MMS22L: variants seen among roughly 807,000 people sequenced by gnomAD.
MMS22L encodes MMS22 like, DNA repair protein, also known as protein MMS22-like.
A neutral mutation model predicts 159.1 loss-of-function variants in MMS22L; 74 were observed. That is an observed-to-expected ratio of 0.47 (90% CI 0.39 to 0.56). MMS22L has a LOEUF of 0.56. Ranked by LOEUF, MMS22L falls within the 20% of genes least tolerant of loss-of-function variation. The probability of loss-of-function intolerance (pLI) is 0.00; values close to 1 mark genes in which losing one functional copy is unlikely to be tolerated. For synonymous variants in MMS22L, 517 were observed against 506.9 expected (o/e 1.02, Z -0.27); for missense variants, 1,351 against 1,422.1 (o/e 0.95, Z 0.80).
In MMS22L at chr6:97,272,942, T is replaced by C. The variant is rs1176638192; in HGVS notation, c.428+33A>G. On this transcript the variant is annotated intron_variant, in intron 5 of 24. Coordinates refer to ENST00000683635, the MANE Select transcript of MMS22L (RefSeq NM_001350599.2). ...CTGTGTGAATACACACAGAAATTCATGCAGTGATCAAAATACTCATCTGAT... is the reference window on the plus strand; with the variant it reads ...CTGTGTGAATACACACAGAAATTCACGCAGTGATCAAAATACTCATCTGAT... 3.1e-6 allele frequency: 5 copies of C among 1,607,066 alleles called. No individual in the cohort carries two copies. The East Asian group carries it at 1.1e-4, about 36-fold the overall frequency.
chr6:97,153,342 C>T (rs1157828135), intron 22 of MMS22L, among the ~76,000 whole-genome samples: 2 of 149,358 alleles, frequency 1.3e-5, no homozygotes, highest in African/African-American at 4.9e-5. Flanking sequence ...AATCCCTTAA[C>T]CTACTTTCTG....
In MMS22L at chr6:97,282,428, A is replaced by T; in HGVS notation, c.50T>A (p.Leu17Gln). ...ASTFLTDSLE[L>Q]ELGTEWCKPP... ...TTTGCACCATTCCGTCCCCAGCTCC[A>T]GCTCTAAGCTGTCAGTCAGGAACGT... The change falls in exon 2 of 25, where the codon CTG becomes CAG. Residue 17 changes from leucine to glutamine, a missense_variant. Physicochemically the swap from Leu to Gln is moderately radical, Grantham distance 113 (BLOSUM62 -2). Coordinates refer to ENST00000683635, the MANE Select transcript of MMS22L (RefSeq NM_001350599.2). 1 of 1,614,104 alleles carries T rather than the reference A, an allele frequency of 6.2e-7. No homozygotes were observed. The highest frequency in any genetic ancestry group is 8.5e-7 in the Non-Finnish European group (1 of 1,180,000).
intron 9 of MMS22L, among the ~76,000 whole-genome samples, chr6:97,262,680 A>G (rs994088391): frequency 3.3e-5 from 5 of 149,886 alleles, no homozygotes; most frequent in Non-Finnish European, 5.9e-5. Flanking sequence ...AAAAAAAGAT[A>G]GCAGCACCCA....
chr6:97,242,403 A>C (rs1158310635), intron 11 of MMS22L, among the ~76,000 whole-genome samples: 1 of 152,170 alleles, frequency 6.6e-6, no homozygotes, highest in Non-Finnish European at 1.5e-5. Context: ...TGTCTGATAC[A>C]AGAATAGCTA....
At chr6:97,152,809 C>CT (rs35792685) in intron 22 of MMS22L, among the ~76,000 whole-genome samples, 73,114 of 142,012 alleles carry the variant, frequency 0.51, 18,809 homozygotes, top group African/African-American at 0.6. Context: ...ACTGAACTAC[C>CT]TTTTTTTTTT....
chr6:97,202,419 G>A (rs926250078), intron 14 of MMS22L, among the ~76,000 whole-genome samples: 6 of 152,148 alleles, frequency 3.9e-5, no homozygotes, highest in Admixed American at 2.0e-4. Context: ...TGCGAAGATC[G>A]CTGCAACACA....
chr6:97,172,988 T>C (rs1803705139), intron 19 of MMS22L, 75 bp downstream of exon 19: 2 of 1,416,582 alleles, frequency 1.4e-6, no homozygotes, highest in Non-Finnish European at 9.6e-7. Context: ...TTAGCCAATA[T>C]ATACCTATCC....
intron 14 of MMS22L, among the ~76,000 whole-genome samples, chr6:97,222,665 T>C (rs1809776559): frequency 6.6e-6 from 1 of 152,072 alleles, no homozygotes; most frequent in South Asian, 2.1e-4. Flanking sequence ...AAAAGGCATT[T>C]TGAAATCACT....
At chr6:97,219,363 C>G (rs1056635934) in intron 14 of MMS22L, among the ~76,000 whole-genome samples, 1 of 152,168 alleles carries the variant, frequency 6.6e-6, no homozygotes, top group African/African-American at 2.4e-5. Flanking sequence ...ATGTTCTGGA[C>G]AGGTGCAGCA....
chr6:97,213,429 G>C (rs927186389), intron 14 of MMS22L, among the ~76,000 whole-genome samples: 1 of 151,994 alleles, frequency 6.6e-6, no homozygotes, highest in African/African-American at 2.4e-5. Flanking sequence ...AGAGGTTGTA[G>C]AAATTTCCAT....
chr6:97,246,928 A>T (rs1318572794), intron 10 of MMS22L, among the ~76,000 whole-genome samples: 2 of 152,074 alleles, frequency 1.3e-5, no homozygotes, highest in Non-Finnish European at 2.9e-5. Flanking sequence ...GTGCTTCAGT[A>T]AGATTATAAA....
At chr6:97,241,351 T>C (rs1193369496) in intron 11 of MMS22L, among the ~76,000 whole-genome samples, 1 of 152,220 alleles carries the variant, frequency 6.6e-6, no homozygotes, top group Non-Finnish European at 1.5e-5. Context: ...TGTTAGATCT[T>C]CTTTTAGTTC....
intron 14 of MMS22L, among the ~76,000 whole-genome samples, chr6:97,189,543 T>A (rs1210540293): frequency 2.0e-5 from 2 of 99,508 alleles, no homozygotes; most frequent in Non-Finnish European, 3.6e-5. Flanking sequence ...ACAGCGAGAC[T>A]CTGTCTCCAA....
chr6:97,206,410 C>CACAG (rs1411850718), intron 14 of MMS22L, among the ~76,000 whole-genome samples: 1 of 149,608 alleles, frequency 6.7e-6, no homozygotes, highest in Non-Finnish European at 1.5e-5. Flanking sequence ...CACACACACA[C>CACAG]TAGACCTTCA....
At chr6:97,220,229 T>C (rs956091439) in intron 14 of MMS22L, among the ~76,000 whole-genome samples, 2 of 152,292 alleles carry the variant, frequency 1.3e-5, no homozygotes, top group Admixed American at 6.5e-5. Flanking sequence ...TCTTGAGAAC[T>C]AGTAGCTCCA....
intron 10 of MMS22L, among the ~76,000 whole-genome samples, chr6:97,251,377 C>T (rs980037768): frequency 2.6e-5 from 4 of 152,162 alleles, no homozygotes; most frequent in African/African-American, 9.7e-5. Flanking sequence ...AGATAATACA[C>T]AGTCACTGTG....
At chr6:97,237,608 G>A (rs994262333) in intron 11 of MMS22L, among the ~76,000 whole-genome samples, 4 of 152,208 alleles carry the variant, frequency 2.6e-5, no homozygotes, top group East Asian at 1.9e-4. Context: ...TATACGCCAC[G>A]GTGCCTGTTT....
chr6:97,270,230 G>A (rs1815581778), intron 6 of MMS22L: 4 of 602,624 alleles, frequency 6.6e-6, no homozygotes, highest in South Asian at 6.3e-5. Flanking sequence ...TGGGGCTGCT[G>A]AATAGACTTG....
intron 19 of MMS22L, among the ~76,000 whole-genome samples, chr6:97,169,661 A>C (rs1328222524): frequency 2.0e-5 from 3 of 152,236 alleles, no homozygotes; most frequent in Non-Finnish European, 2.9e-5. Flanking sequence ...TTCACTTAGC[A>C]AAGTTTTAAA....
Sources: allele counts gnomAD v4.1 joint callset (sites outside exome capture counted in the v4.1 genomes callset), GRCh38; gene constraint gnomAD v4.1.1; transcripts MANE v1.5; gene names NCBI Gene and HGNC (gene_info 2026-07-23, HGNC 2026-07-21).